The following MCF2L variants were observed in gnomAD, a reference collection of about 807,000 sequenced individuals.
MCF2L encodes the protein guanine nucleotide exchange factor DBS.
Under a neutral mutation model 153.4 loss-of-function variants are expected in MCF2L, and 97 were observed. The ratio of observed to expected loss-of-function variants is 0.63; its 90% CI spans 0.54 to 0.75. The LOEUF is 0.75. MCF2L is among the 30% of genes least tolerant of loss of function. The pLI is 0.00. For synonymous variants in MCF2L, 659 were observed against 632.2 expected (o/e 1.04, Z -0.64); for missense variants, 1,347 against 1,495.2 (o/e 0.90, Z 1.64).
At chr13:112,999,922 G>A (rs553313619) in intron 1 of MCF2L, among the ~76,000 whole-genome samples, 2 of 151,672 alleles carry the variant, frequency 1.3e-5, no homozygotes, top group African/African-American at 4.8e-5. Flanking sequence ...TGCGGGCGGC[G>A]AGTGGGCTGG....
At chr13:113,049,721 G>A (rs1250001903) in intron 4 of MCF2L, among the ~76,000 whole-genome samples, 3 of 151,934 alleles carry the variant, frequency 2.0e-5, no homozygotes, top group African/African-American at 2.4e-5. Context: ...AAGCAAGCCC[G>A]TGGCAGAGAC....
At chr13:112,970,681 C>T (rs908344059) in intron 1 of MCF2L, among the ~76,000 whole-genome samples, 9 of 152,044 alleles carry the variant, frequency 5.9e-5, no homozygotes, top group African/African-American at 1.9e-4. Context: ...GCGTGCCGTT[C>T]GGTGTCAGAG....
intron 1 of MCF2L, among the ~76,000 whole-genome samples, chr13:112,986,372 A>G (rs1408586494): frequency 2.6e-5 from 4 of 152,208 alleles, no homozygotes; most frequent in African/African-American, 9.6e-5. Flanking sequence ...AGTCACGGAG[A>G]GAAATGCGCA....
At chr13:112,917,235 C>T (rs1299983381) in intron 2 of MCF2L, 4 of 466,940 alleles carry the variant, frequency 8.6e-6, no homozygotes, top group African/African-American at 2.0e-5. Flanking sequence ...AGAGCCTCCA[C>T]CCGCATCCTA....
At chr13:113,010,877 C>T (rs1238169203) in intron 1 of MCF2L, among the ~76,000 whole-genome samples, 1 of 152,226 alleles carries the variant, frequency 6.6e-6, no homozygotes, top group East Asian at 1.9e-4. Flanking sequence ...TGCTCGCCTG[C>T]CTGCATCTCC....
intron 1 of MCF2L, among the ~76,000 whole-genome samples, chr13:112,901,069 C>A (rs893144567): frequency 2.6e-5 from 4 of 152,204 alleles, no homozygotes; most frequent in Non-Finnish European, 4.4e-5. Context: ...GAGGCCCAGG[C>A]AGCAGCAGAA....
At chr13:113,057,935 G>A (rs1472384559) in intron 4 of MCF2L, among the ~76,000 whole-genome samples, 1 of 144,060 alleles carries the variant, frequency 6.9e-6, no homozygotes, top group African/African-American at 2.6e-5. Context: ...AGTGTTGGGT[G>A]CTGAGTGTTT....
rs190706576 is a variant in MCF2L at position 113,065,399 on chromosome 13, C to T, written c.756+314C>T. 5.1e-4 allele frequency: 194 copies of T among 381,160 alleles called. 2 individuals are homozygous for T. The East Asian group carries it at 9.2e-3, about 18-fold the overall frequency. 23.6% of individuals were successfully genotyped at this position (381,160 alleles called of 1,614,324 possible). On this transcript the variant is annotated intron_variant, in intron 7 of 29. Coordinates refer to ENST00000535094, the MANE Select transcript of MCF2L (RefSeq NM_001112732.3). ...TCAGGAGTGGGACCAGGGGTGGCTCCTCTCAGGAGCACTTTTGGCTGTCTG... is the reference window on the plus strand; with the variant it reads ...TCAGGAGTGGGACCAGGGGTGGCTCTTCTCAGGAGCACTTTTGGCTGTCTG...
At position 113,074,917 on chromosome 13, in the gene MCF2L, GAC is replaced by G; in HGVS notation, c.1117-75_1117-74del. The G allele has an allele frequency of 7.9e-7, 1 of 1,270,640 alleles. No individual in the cohort carries two copies. The highest frequency in any genetic ancestry group is 1.4e-5 in the South Asian group (1 of 71,650). The allele number at this position is 1,270,640 out of a possible 1,614,324, so 78.7% of individuals were successfully genotyped here. A position where few individuals can be genotyped will look rare whatever the true frequency, so the allele number is the denominator to read the frequency against. ...AAATCAAGACACACGTGTGCCCCGGGACACACATCCCGTACAGCAAGGCACTG... is the reference window on the plus strand; with the variant it reads ...AAATCAAGACACACGTGTGCCCCGGGACACATCCCGTACAGCAAGGCACTG... On this transcript the variant is annotated intron_variant, in intron 10 of 29. Transcript: ENST00000535094. This position sits in a 1 kb window ranked among gnomAD's most constrained non-coding sequence, Gnocchi z 4.2.
chr13:112,990,087 A>C (rs1289228040), intron 1 of MCF2L, among the ~76,000 whole-genome samples: 1 of 152,030 alleles, frequency 6.6e-6, no homozygotes, highest in Non-Finnish European at 1.5e-5. Context: ...CCCCCTGTTC[A>C]CTCACCTGCC....
At chr13:113,005,463 C>T (rs921880559) in intron 1 of MCF2L, among the ~76,000 whole-genome samples, 5 of 152,030 alleles carry the variant, frequency 3.3e-5, no homozygotes, top group Non-Finnish European at 7.4e-5. Flanking sequence ...TGACTGTGGT[C>T]TGTTTGTGGT....
At chr13:113,084,708 C>T (rs903317089) in intron 18 of MCF2L, 184 bp from the exon 19 acceptor site, 9 of 603,162 alleles carry the variant, frequency 1.5e-5, no homozygotes, top group Non-Finnish European at 2.4e-5. Flanking sequence ...GGCCCCCCAG[C>T]GGAGCCTGGG....
chr13:113,082,367 A>C (rs1594974162), intron 16 of MCF2L, 60 bp from the exon 17 acceptor site: 1 of 997,124 alleles, frequency 1.0e-6, no homozygotes, highest in African/African-American at 1.6e-5. Context: ...TCCCTGGCCC[A>C]CCTGCCCCCC....
intron 1 of MCF2L, among the ~76,000 whole-genome samples, chr13:112,980,641 T>TTCCCCCGCCTTCCCCTC (rs2082380862): frequency 6.6e-6 from 1 of 151,920 alleles, no homozygotes; most frequent in African/African-American, 2.4e-5. Flanking sequence ...GCCTTCCCCT[T>TTCCCCCGCCTTCCCCTC]TCCCCCGCCT....
At chr13:113,091,304 T>C in intron 26 of MCF2L, 1 of 925,908 alleles carries the variant, frequency 1.1e-6, no homozygotes, top group Non-Finnish European at 1.5e-6. Flanking sequence ...CTCTCGTGGG[T>C]CTTTATGCTG....
In MCF2L at chr13:113,076,066, A is replaced by C. The variant is rs1318236335; in HGVS notation, c.1409A>C (p.Glu470Ala). ...GCGGAGGCTGCCCTCCAGGAAATCG[A>C]GAAGTTTTTGGAGACCGGTGCGGAA... is the stretch of plus-strand genomic sequence containing the variant. ...DGAEAALQEIEKFLETGAENK... is the reference protein window; with the variant it reads ...DGAEAALQEIAKFLETGAENK... The change falls in exon 12 of 30, where the codon GAG (glutamate) becomes GCG (alanine). Residue 470 changes from glutamate (E) to alanine (A), a missense_variant. By Grantham distance (107) the Glu-to-Ala change is moderately radical (BLOSUM62 -1). Coordinates refer to ENST00000535094, the MANE Select transcript of MCF2L (RefSeq NM_001112732.3). The C allele has an allele frequency of 6.2e-7, 1 of 1,613,946 alleles. No individual in the cohort carries two copies. The highest frequency in any genetic ancestry group is 8.5e-7 in the Non-Finnish European group (1 of 1,180,016).
chr13:112,958,773 A>G (rs1329670060), intron 2 of MCF2L, among the ~76,000 whole-genome samples: 1 of 152,118 alleles, frequency 6.6e-6, no homozygotes, highest in Non-Finnish European at 1.5e-5. Flanking sequence ...CGTGTGTGGG[A>G]TACGTGTGCC....
intron 15 of MCF2L, among the ~76,000 whole-genome samples, chr13:113,080,937 G>T (rs1293414431): frequency 6.6e-6 from 1 of 152,312 alleles, no homozygotes; most frequent in East Asian, 1.9e-4. Context: ...GCGAGTCTGG[G>T]AATCCCTCCT....
At position 112,983,502 on chromosome 13, in the gene MCF2L, G is replaced by A. The variant is rs1332131953; in HGVS notation, c.79+14044G>A. Reference sequence around the variant, plus strand: ...GTCAAGCTCTGTAAATGCGGCACCCGACGTCTGAGGCCCGCCACGCTGCAG... The same window carrying A: ...GTCAAGCTCTGTAAATGCGGCACCCAACGTCTGAGGCCCGCCACGCTGCAG... On this transcript the variant is annotated intron_variant, in intron 1 of 29. Transcript: ENST00000535094. The surrounding 1 kb of genome is among the most constrained non-coding windows in gnomAD (Gnocchi z 4.0). 6.6e-5 allele frequency among the ~76,000 whole-genome samples: 10 copies of A among 152,194 alleles called. No individual in the cohort carries two copies. The highest frequency in any genetic ancestry group is 3.3e-4 in the Admixed American group (5 of 15,288).
Sources: allele counts gnomAD v4.1 joint callset (sites outside exome capture counted in the v4.1 genomes callset), GRCh38; gene constraint gnomAD v4.1.1; non-coding constraint Gnocchi (gnomAD v3.1); transcripts MANE v1.5; gene names NCBI Gene and HGNC (gene_info 2026-07-23, HGNC 2026-07-21).